Variants in TTC12 observed in about 807,000 individuals in gnomAD.
TTC12 encodes tetratricopeptide repeat domain 12.
A neutral mutation model predicts 90.1 loss-of-function variants in TTC12; 70 were observed. The observed-to-expected ratio is 0.78, with a 90% CI of 0.64 to 0.95. The LOEUF (loss-of-function observed/expected upper bound fraction) is 0.95, where lower values mean the gene tolerates loss of function less well. TTC12 is among the 40% of genes least tolerant of loss of function. The pLI, the probability that TTC12 is intolerant of heterozygous loss-of-function variation, is 0.00. For missense variants in TTC12, 819 were observed against 846.1 expected (o/e 0.97, Z 0.40); for synonymous variants, 296 against 311.5 (o/e 0.95, Z 0.53).
chr11:113,323,549 G>A (rs1258295718), intron 3 of TTC12, 98 bp downstream of exon 3: 2 of 769,722 alleles, frequency 2.6e-6, no homozygotes, highest in African/African-American at 3.6e-5. Flanking sequence ...AGGCTGAAAT[G>A]GTCTTTTGTT....
chr11:113,360,518 C>T (rs1949868259), intron 18 of TTC12, among the ~76,000 whole-genome samples: 2 of 152,066 alleles, frequency 1.3e-5, no homozygotes, highest in African/African-American at 4.8e-5. Flanking sequence ...TTTCTCAATT[C>T]TGTGTCTGAC....
intron 6 of TTC12, among the ~76,000 whole-genome samples, chr11:113,325,929 G>T (rs1260454007): frequency 2.6e-5 from 4 of 152,150 alleles, no homozygotes; most frequent in Non-Finnish European, 5.9e-5. Context: ...ATCACTGATG[G>T]TGACCATGCA....
At chr11:113,325,787 C>G (rs186520636) in intron 6 of TTC12, 142 bp downstream of exon 6, 235 of 1,044,398 alleles carry the variant, frequency 2.3e-4, no homozygotes, top group Middle Eastern at 1.3e-3. Context: ...GAGGAGCTGA[C>G]TTATACACAG....
intron 6 of TTC12, 73 bp downstream of exon 6, chr11:113,325,718 T>C (rs1947646843): frequency 6.3e-7 from 1 of 1,577,334 alleles, no homozygotes; most frequent in Non-Finnish European, 8.6e-7. Context: ...AAAACAAAGA[T>C]GAGGCTAGAT....
At chr11:113,317,289 C>T (rs1351706229) in intron 2 of TTC12, among the ~76,000 whole-genome samples, 18 of 152,194 alleles carry the variant, frequency 1.2e-4, no homozygotes, top group Non-Finnish European at 1.9e-4. Context: ...ATTGAGGCAT[C>T]ATCTCTTTCC....
chr11:113,329,033 A>G (rs1555141877), intron 6 of TTC12, among the ~76,000 whole-genome samples: 1 of 152,106 alleles, frequency 6.6e-6, no homozygotes, highest in East Asian at 1.9e-4. Flanking sequence ...TCCCTTCATC[A>G]CTGATGGACA....
chr11:113,343,571 TA>T (rs1948792816), intron 12 of TTC12, among the ~76,000 whole-genome samples: 2 of 152,196 alleles, frequency 1.3e-5, no homozygotes, highest in East Asian at 3.9e-4. Context: ...GGGTAATCAG[TA>T]CAGGAGGGAA....
intron 7 of TTC12, among the ~76,000 whole-genome samples, chr11:113,334,372 A>G (rs1056131843): frequency 6.6e-5 from 10 of 152,118 alleles, no homozygotes; most frequent in African/African-American, 2.4e-4. Context: ...TGAAGGGGGC[A>G]TCCCTACTGA....
chr11:113,358,216 G>A (rs1478049518), intron 16 of TTC12, among the ~76,000 whole-genome samples: 3 of 152,180 alleles, frequency 2.0e-5, no homozygotes, highest in African/African-American at 7.2e-5. Context: ...GGTGATCAGT[G>A]GGAAGAGGAG....
At chr11:113,348,646 T>G (rs1555148954) in intron 13 of TTC12, among the ~76,000 whole-genome samples, 1 of 152,238 alleles carries the variant, frequency 6.6e-6, no homozygotes, top group African/African-American at 2.4e-5. Context: ...CTTGTAAGGC[T>G]GGTTCTCCAA....
chr11:113,325,395 G>A (rs1011372226), intron 5 of TTC12, 129 bp from the exon 6 acceptor site: 2 of 1,059,554 alleles, frequency 1.9e-6, no homozygotes, highest in South Asian at 3.3e-5. Context: ...AAAAAAACAA[G>A]TGTCAAGTCC....
At chr11:113,325,713 A>G in intron 6 of TTC12, 68 bp downstream of exon 6, 1 of 1,592,074 alleles carries the variant, frequency 6.3e-7, no homozygotes, top group East Asian at 2.2e-5. Context: ...TTGGGAAAAC[A>G]AAGATGAGGC....
chr11:113,339,309 C>T lies in TTC12; in HGVS notation c.661C>T (p.Gln221Ter). ...AGGTTACCTGAATCAAGTAGATCTT[C>T]AGGAAAAAGCAGACCTTCAAGAAAA... is the stretch of plus-strand genomic sequence containing the variant. ...VKGYLNQVDL[Q>*]EKADLQEKEA... The change falls in exon 10 of 22, where the codon CAG becomes TAG. Residue 221 changes from glutamine (Q) to a stop codon, truncating the protein, a stop_gained. Transcript: ENST00000529221. LOFTEE classifies it high-confidence loss of function. 1.2e-6 allele frequency: 2 copies of T among 1,606,732 alleles called. No individual in the cohort carries two copies. The highest frequency in any genetic ancestry group is 1.7e-6 in the Non-Finnish European group (2 of 1,177,892).
chr11:113,324,085 C>G, intron 4 of TTC12, 70 bp downstream of exon 4: 1 of 1,280,396 alleles, frequency 7.8e-7, no homozygotes, highest in Non-Finnish European at 1.1e-6. Flanking sequence ...TTGTAGCTCC[C>G]AGACCCTTAA....
chr11:113,317,104 C>G (rs546523674), intron 2 of TTC12, among the ~76,000 whole-genome samples: 341 of 152,314 alleles, frequency 2.2e-3, no homozygotes, highest in South Asian at 6.6e-3. Context: ...GGAGCTCTGG[C>G]CTTGGCCCAC....
intron 18 of TTC12, 71 bp downstream of exon 18, chr11:113,360,079 A>G (rs78983759): frequency 0.011 from 5,340 of 488,946 alleles, 3 homozygotes; most frequent in Non-Finnish European, 0.016. Context: ...GTTTTGTTTT[A>G]TTATCAGTGT....
At chr11:113,338,624 C>T (rs1948506027) in intron 8 of TTC12, 150 bp from the exon 9 acceptor site, 3 of 527,444 alleles carry the variant, frequency 5.7e-6, no homozygotes, top group Non-Finnish European at 6.8e-6. Context: ...ATGTCAAATG[C>T]ACATTGTGTT....
In TTC12 at chr11:113,352,167, C is replaced by T. The variant is rs781936867; in HGVS notation, c.1406C>T (p.Ala469Val). ...GAGCCCACTACCCGAAGACACATGG[C>T]GGCCTGTGAGGAATTTGGGGATGGC... ...SAEPTTRRHM[A>V]ACEEFGDGCL... The change falls in exon 16 of 22, where the codon GCG (alanine) becomes GTG (valine). Residue 469 changes from alanine to valine, a missense_variant. Physicochemically the swap from Ala to Val is moderately conservative, Grantham distance 64 (BLOSUM62 0). Coordinates refer to ENST00000529221, the MANE Select transcript of TTC12 (RefSeq NM_017868.4). The T allele has an allele frequency of 5.3e-5, 85 of 1,614,194 alleles. No homozygotes were observed. The highest frequency in any genetic ancestry group is 6.0e-5 in the Non-Finnish European group (71 of 1,180,020).
intron 16 of TTC12, among the ~76,000 whole-genome samples, chr11:113,355,430 T>C (rs949031895): frequency 2.0e-5 from 3 of 152,146 alleles, no homozygotes; most frequent in Non-Finnish European, 2.9e-5. Flanking sequence ...ATCTTTTGAA[T>C]AGGTTTTTAT....
Sources: allele counts gnomAD v4.1 joint callset (sites outside exome capture counted in the v4.1 genomes callset), GRCh38; gene constraint gnomAD v4.1.1; transcripts MANE v1.5; gene names NCBI Gene and HGNC (gene_info 2026-07-23, HGNC 2026-07-21).